Variants in TSHZ1 observed in about 807,000 individuals in gnomAD.
TSHZ1 encodes teashirt homolog 1.
In TSHZ1, 12 loss-of-function variants were observed where a neutral mutation model predicts 67.1. The ratio of observed to expected loss-of-function variants is 0.18; its 90% confidence interval spans 0.11 to 0.29. The LOEUF is 0.29. TSHZ1 is among the 10% of genes least tolerant of loss of function. The probability of loss-of-function intolerance (pLI) is 1.00; values close to 1 mark genes in which losing one functional copy is unlikely to be tolerated. For synonymous variants in TSHZ1, 632 were observed against 622.4 expected (o/e 1.02, Z -0.23); for missense variants, 1,305 against 1,413.9 (o/e 0.92, Z 1.23).
Position 75,285,990 on chromosome 18 carries a change from T to C in TSHZ1, c.583T>C (p.Ser195Pro). Residue 195 changes from serine to proline, a missense_variant, in exon 2 of 2, where the codon TCC (serine) becomes CCC (proline). This residue lies in a region of TSHZ1 where 358 missense variants were observed against 375.6 expected (regional missense o/e 0.95). Transcript: ENST00000580243. Reference protein sequence around the residue: ...HSSTTSTSSSSGYDWHQAALA... With the variant: ...HSSTTSTSSSPGYDWHQAALA... ...CAGTACCACCAGTACCAGCAGCAGC[T>C]CCGGGTACGACTGGCACCAGGCTGC... The C allele has an allele frequency of 6.2e-7, 1 of 1,602,086 alleles. No individual in the cohort carries two copies. The highest frequency in any genetic ancestry group is 8.5e-7 in the Non-Finnish European group (1 of 1,175,312).
At chr18:75,247,689 G>A (rs1287403558) in intron 1 of TSHZ1, among the ~76,000 whole-genome samples, 2 of 152,118 alleles carry the variant, frequency 1.3e-5, no homozygotes, top group East Asian at 1.9e-4. Context: ...TCCGTATTTG[G>A]TATAATTAGA....
intron 1 of TSHZ1, among the ~76,000 whole-genome samples, chr18:75,280,184 T>G (rs1167833889): frequency 1.3e-5 from 2 of 152,268 alleles, no homozygotes; most frequent in African/African-American, 4.8e-5. Flanking sequence ...TTCATGTAAC[T>G]ACTCCTTATT....
intron 1 of TSHZ1, among the ~76,000 whole-genome samples, chr18:75,260,717 T>G (rs1439544813): frequency 6.6e-6 from 1 of 152,106 alleles, no homozygotes; most frequent in Non-Finnish European, 1.5e-5. Context: ...TCCTGGATGC[T>G]CCTCAGTTTT....
intron 1 of TSHZ1, among the ~76,000 whole-genome samples, chr18:75,271,721 G>A (rs750284507): frequency 2.7e-4 from 41 of 149,938 alleles, no homozygotes; most frequent in South Asian, 8.4e-4. Context: ...TTTTCTTGCC[G>A]CTCCCCCCTC....
chr18:75,287,284 G>A lies in TSHZ1; in HGVS notation c.1877G>A (p.Ser626Asn), dbSNP rs773468599. ...EHNALLHSPGSLTPPPHKSNV... is the reference protein window; with the variant it reads ...EHNALLHSPGNLTPPPHKSNV... ...AACGCCCTCCTGCACTCCCCAGGGA[G>A]CCTCACGCCCCCACCGCACAAGAGC... Residue 626 changes from serine to asparagine, a missense_variant, in exon 2 of 2, where the codon AGC becomes AAC. Ser to Asn is a conservative substitution (Grantham distance 46). Transcript: ENST00000580243. The surrounding 1 kb of genome is among the most constrained non-coding windows in gnomAD (Gnocchi z 5.0). The A allele has an allele frequency of 5.0e-6, 8 of 1,614,036 alleles. No homozygotes were observed. The highest frequency in any genetic ancestry group is 6.8e-6 in the Non-Finnish European group (8 of 1,179,992).
chr18:75,274,161 G>C (rs1243755288), intron 1 of TSHZ1, among the ~76,000 whole-genome samples: 1 of 152,176 alleles, frequency 6.6e-6, no homozygotes, highest in African/African-American at 2.4e-5. Context: ...CAGGAAGGGT[G>C]GGGGAGTGAT....
At chr18:75,245,115 A>C (rs1445272163) in intron 1 of TSHZ1, 1 of 152,232 alleles carries the variant, frequency 6.6e-6, no homozygotes, top group Non-Finnish European at 1.5e-5. Flanking sequence ...AATGCCTGCT[A>C]CAGACTTCTA....
intron 1 of TSHZ1, among the ~76,000 whole-genome samples, chr18:75,240,473 T>C (rs2023139933): frequency 6.6e-6 from 1 of 151,708 alleles, no homozygotes; most frequent in South Asian, 2.1e-4. Context: ...CCAAAGAGGG[T>C]TGGGTTGCTT....
In TSHZ1 at chr18:75,273,998, C is replaced by T. The variant is rs536149208; in HGVS notation, c.41-11450C>T. On this transcript the variant is annotated intron_variant, in intron 1 of 1. Transcript: ENST00000580243. ...ACCCACACCCACCCACACATGCATG[C>T]GCGTGAAGGCCGGCGGCGCCTCCTC... Among the ~76,000 whole-genome samples, 7 of 152,292 alleles carry T rather than the reference C, an allele frequency of 4.6e-5. No homozygotes were observed. The East Asian group carries it at 1.4e-3, about 29-fold the overall frequency.
intron 1 of TSHZ1, among the ~76,000 whole-genome samples, chr18:75,223,156 TATCTC>T (rs1276164742): frequency 6.6e-5 from 10 of 152,210 alleles, no homozygotes; most frequent in African/African-American, 9.7e-5. Flanking sequence ...GGCACTCAGT[TATCTC>T]AACGAGAGTG....
intron 1 of TSHZ1, chr18:75,280,793 G>A: frequency 2.0e-6 from 2 of 985,492 alleles, no homozygotes; most frequent in African/African-American, 3.5e-5. Flanking sequence ...AGAAGTCACA[G>A]CTCTATGAGG....
At chr18:75,268,673 C>CA (rs2023521555) in intron 1 of TSHZ1, among the ~76,000 whole-genome samples, 1 of 152,134 alleles carries the variant, frequency 6.6e-6, no homozygotes, top group Non-Finnish European at 1.5e-5. Context: ...TCCCCCTCCC[C>CA]AAAAAATCAG....
At chr18:75,239,357 A>T (rs1168989025) in intron 1 of TSHZ1, among the ~76,000 whole-genome samples, 2 of 152,254 alleles carry the variant, frequency 1.3e-5, no homozygotes, top group Admixed American at 6.5e-5. Flanking sequence ...TTAAGAAATT[A>T]TATAATGATT....
Position 75,286,091 on chromosome 18 carries a change from C to G in TSHZ1, c.684C>G (p.Leu228=). ...PEPSLFSTVQ[L]YRQNNKLYGS... ...CCAGCCTGTTCAGCACCGTGCAGCTCTACCGCCAGAACAACAAGCTCTACG... is the reference window on the plus strand; with the variant it reads ...CCAGCCTGTTCAGCACCGTGCAGCTGTACCGCCAGAACAACAAGCTCTACG... The change falls in exon 2 of 2, where the codon CTC becomes CTG. Residue 228 remains leucine (L), a synonymous_variant. Coordinates refer to ENST00000580243, the MANE Select transcript of TSHZ1 (RefSeq NM_001308210.2). The surrounding 1 kb of genome is among the most constrained non-coding windows in gnomAD (Gnocchi z 5.1). 6.2e-7 allele frequency: 1 copy of G among 1,612,120 alleles called. No homozygotes were observed. The highest frequency in any genetic ancestry group is 1.3e-5 in the African/African-American group (1 of 74,982).
chr18:75,287,442 G>T lies in TSHZ1; in HGVS notation c.2035G>T (p.Asp679Tyr). ...GTCCCCCATAGCAAAAGAGAATAAAGATTTCCCGAAAACGGAGGAAGTCAG... is the reference window on the plus strand; with the variant it reads ...GTCCCCCATAGCAAAAGAGAATAAATATTTCCCGAAAACGGAGGAAGTCAG... The part of the protein sequence containing the change: ...AASPIAKENK[D>Y]FPKTEEVSGK... Residue 679 changes from aspartate to tyrosine, a missense_variant, in exon 2 of 2, where the codon GAT becomes TAT. Asp to Tyr is a radical substitution (Grantham distance 160). This residue lies in a region of TSHZ1 where 909 missense variants were observed against 961.8 expected (regional missense o/e 0.95). Transcript: ENST00000580243. This position sits in a 1 kb window ranked among gnomAD's most constrained non-coding sequence, Gnocchi z 5.0. 2 of 1,614,188 alleles carry T rather than the reference G, an allele frequency of 1.2e-6. No individual in the cohort carries two copies. The highest frequency in any genetic ancestry group is 2.2e-5 in the East Asian group (1 of 44,886).
intron 1 of TSHZ1, among the ~76,000 whole-genome samples, chr18:75,225,454 T>G (rs1455867460): frequency 6.6e-6 from 1 of 152,224 alleles, no homozygotes; most frequent in African/African-American, 2.4e-5. Flanking sequence ...CACGCCGCTT[T>G]CTTCTGACTG....
chr18:75,278,273 G>A (rs970784978), intron 1 of TSHZ1, among the ~76,000 whole-genome samples: 26 of 140,668 alleles, frequency 1.8e-4, no homozygotes, highest in Non-Finnish European at 3.4e-4. Context: ...TTGGAGGGGG[G>A]CTGGCTTCCC....
Position 75,216,168 on chromosome 18 carries a change from T to G in TSHZ1, c.40+4252T>G, listed in dbSNP as rs80146646. 2.9e-4 allele frequency among the ~76,000 whole-genome samples: 44 copies of G among 152,338 alleles called. No homozygotes were observed. In the East Asian group the frequency reaches 8.3e-3, roughly 29 times the overall value. ...AAACAGTTTTGAATGAAGACCGAAA[T>G]ATCTTTTTTTTAATTGTAGGCATGT... On this transcript the variant is annotated intron_variant, in intron 1 of 1. Transcript: ENST00000580243.
At chr18:75,224,674 T>C (rs979824480) in intron 1 of TSHZ1, among the ~76,000 whole-genome samples, 4 of 152,182 alleles carry the variant, frequency 2.6e-5, no homozygotes, top group African/African-American at 9.7e-5. Context: ...ATTTGGAGCC[T>C]GCCTGTTAAT....
Sources: allele counts gnomAD v4.1 joint callset (sites outside exome capture counted in the v4.1 genomes callset), GRCh38; gene constraint gnomAD v4.1.1; regional missense constraint gnomAD v4.1.1; non-coding constraint Gnocchi (gnomAD v3.1); transcripts MANE v1.5; gene names NCBI Gene and HGNC (gene_info 2026-07-23, HGNC 2026-07-21).